The following RBFOX1 variants were observed in gnomAD, a reference collection of about 807,000 sequenced individuals.
RBFOX1 encodes RNA binding fox-1 homolog 1, also known as RNA binding protein fox-1 homolog 1.
RBFOX1 carries 8 observed loss-of-function variants against 57.7 expected under a neutral mutation model. The ratio of observed to expected loss-of-function variants is 0.14; its 90% CI spans 0.08 to 0.25. RBFOX1 has a LOEUF of 0.25. RBFOX1 is among the 10% of genes least tolerant of loss of function. RBFOX1 has a pLI of 1.00. For synonymous variants in RBFOX1, 326 were observed against 222.4 expected (o/e 1.47, Z -4.15); for missense variants, 611 against 548.5 (o/e 1.11, Z -1.14).
intron 2 of RBFOX1, among the ~76,000 whole-genome samples, chr16:6,618,602 C>T (rs564162051): frequency 6.6e-6 from 1 of 152,280 alleles, no homozygotes; most frequent in South Asian, 2.1e-4. Flanking sequence ...AATCAGAATA[C>T]AGAAAGGTAA....
chr16:6,742,164 T>C (rs1225579283), intron 3 of RBFOX1, among the ~76,000 whole-genome samples: 3 of 152,094 alleles, frequency 2.0e-5, no homozygotes, highest in Admixed American at 6.6e-5. Context: ...ATTTAGAAAA[T>C]CTTTTTAAAG....
chr16:6,544,760 C>G (rs1426376355), intron 2 of RBFOX1, among the ~76,000 whole-genome samples: 1 of 152,134 alleles, frequency 6.6e-6, no homozygotes, highest in Non-Finnish European at 1.5e-5. Flanking sequence ...GATAACACTC[C>G]TCTCTCAAAG....
chr16:7,234,886 G>C (rs77644266), intron 4 of RBFOX1, among the ~76,000 whole-genome samples: 1 of 151,964 alleles, frequency 6.6e-6, no homozygotes, highest in East Asian at 1.9e-4. Context: ...TGTCCCATAA[G>C]AATTATTCAC....
At chr16:6,733,036 ATTAAC>A (rs1436782486) in intron 3 of RBFOX1, among the ~76,000 whole-genome samples, 1 of 152,202 alleles carries the variant, frequency 6.6e-6, no homozygotes, top group Non-Finnish European at 1.5e-5. Context: ...CTTTTTAAAA[ATTAAC>A]TTATTAAGAG....
intron 3 of RBFOX1, among the ~76,000 whole-genome samples, chr16:6,988,863 C>G (rs1364213791): frequency 6.6e-6 from 1 of 151,880 alleles, no homozygotes; most frequent in Non-Finnish European, 1.5e-5. Context: ...CCTCTCCCTC[C>G]TGGGTTCAGT....
chr16:5,836,472 A>T (rs988785742), intron 3 of RBFOX1, among the ~76,000 whole-genome samples: 1 of 152,148 alleles, frequency 6.6e-6, no homozygotes, highest in Non-Finnish European at 1.5e-5. Flanking sequence ...ATCTCAGTGA[A>T]CAGAACCATG....
intron 2 of RBFOX1, among the ~76,000 whole-genome samples, chr16:5,512,771 T>C (rs963543191): frequency 2.6e-5 from 4 of 152,222 alleles, no homozygotes; most frequent in African/African-American, 7.2e-5. Context: ...TATTGATGCA[T>C]TGTTATTACC....
intron 12 of RBFOX1, among the ~76,000 whole-genome samples, chr16:7,664,033 C>A (rs543266156): frequency 2.8e-4 from 42 of 152,288 alleles, no homozygotes; most frequent in African/African-American, 9.6e-4. Context: ...GAGCTGCTAT[C>A]AGATTGGGCT....
intron 3 of RBFOX1, among the ~76,000 whole-genome samples, chr16:5,754,199 T>C (rs979764091): frequency 9.9e-5 from 15 of 152,186 alleles, no homozygotes; most frequent in Non-Finnish European, 2.2e-4. Context: ...CTCTGCCACA[T>C]GCAAGCTACT....
chr16:5,709,352 A>C (rs567410146), intron 3 of RBFOX1, among the ~76,000 whole-genome samples: 1 of 152,194 alleles, frequency 6.6e-6, no homozygotes, highest in South Asian at 2.1e-4. Flanking sequence ...TTCTTTGATC[A>C]GTGAGCATGT....
At chr16:6,183,148 A>G (rs946685137) in intron 1 of RBFOX1, among the ~76,000 whole-genome samples, 17 of 152,096 alleles carry the variant, frequency 1.1e-4, no homozygotes, top group Admixed American at 9.2e-4. Context: ...CAATGTTTGT[A>G]TTAAAAACAA....
chr16:7,248,797 G>C (rs1043194122), intron 4 of RBFOX1, among the ~76,000 whole-genome samples: 2 of 152,150 alleles, frequency 1.3e-5, no homozygotes, highest in African/African-American at 4.8e-5. Flanking sequence ...CAGGGAAAAT[G>C]CTATTTATAA....
chr16:7,065,330 G>T (rs574107273), intron 4 of RBFOX1, among the ~76,000 whole-genome samples: 2 of 152,050 alleles, frequency 1.3e-5, no homozygotes, highest in Non-Finnish European at 2.9e-5. Context: ...TTCTTCAGGT[G>T]CACGTCTCAT....
chr16:6,539,648 A>G (rs1229277596), intron 2 of RBFOX1, among the ~76,000 whole-genome samples: 1 of 151,992 alleles, frequency 6.6e-6, no homozygotes, highest in Non-Finnish European at 1.5e-5. Context: ...AAATACAAAA[A>G]TTAGCCATGC....
At chr16:6,804,333 G>T (rs1016842487) in intron 3 of RBFOX1, among the ~76,000 whole-genome samples, 4 of 152,026 alleles carry the variant, frequency 2.6e-5, no homozygotes, top group African/African-American at 9.7e-5. Flanking sequence ...TAACTCCAGG[G>T]TAAATTGATA....
At chr16:7,214,924 A>C (rs1474834202) in intron 4 of RBFOX1, among the ~76,000 whole-genome samples, 1 of 152,158 alleles carries the variant, frequency 6.6e-6, no homozygotes, top group Non-Finnish European at 1.5e-5. Context: ...GTTCTCGGAC[A>C]CATGTACTGA....
At chr16:6,726,205 G>T (rs2192352) in intron 3 of RBFOX1, among the ~76,000 whole-genome samples, 67,059 of 151,764 alleles carry the variant, frequency 0.44, 17,783 homozygotes, top group Non-Finnish European at 0.59. Flanking sequence ...TCACCCGTTT[G>T]CTCTAGAATA....
chr16:6,930,298 A>T (rs2076292641), intron 3 of RBFOX1, among the ~76,000 whole-genome samples: 1 of 152,212 alleles, frequency 6.6e-6, no homozygotes. Flanking sequence ...AAAGATATAT[A>T]CAAATGGCCA....
chr16:6,657,203 TCTTC>T (rs2098665004), intron 3 of RBFOX1, among the ~76,000 whole-genome samples: 2 of 151,460 alleles, frequency 1.3e-5, no homozygotes, highest in South Asian at 2.1e-4. Flanking sequence ...CACTTTCTCG[TCTTC>T]CTTCCTCCCT....
Sources: gnomAD v4.1 joint callset for allele counts (sites outside exome capture counted in the v4.1 genomes callset) on GRCh38, gnomAD v4.1.1 for gene constraint, MANE v1.5 for transcripts, NCBI Gene and HGNC (gene_info 2026-07-23, HGNC 2026-07-21) for gene names.